PTPRD: variants seen among roughly 807,000 people sequenced by gnomAD.
The protein encoded by PTPRD is receptor-type tyrosine-protein phosphatase delta.
PTPRD carries 34 observed loss-of-function variants against 214.5 expected under a neutral mutation model. The observed-to-expected ratio is 0.16, with a 90% confidence interval of 0.12 to 0.21. The LOEUF (loss-of-function observed/expected upper bound fraction) is 0.21. Ranked by LOEUF, PTPRD falls within the 10% of genes least tolerant of loss-of-function variation. The pLI, the probability that PTPRD is intolerant of heterozygous loss-of-function variation, is 1.00. For synonymous variants in PTPRD, 1,128 were observed against 845.7 expected (o/e 1.33, Z -5.79); for missense variants, 2,545 against 2,398.7 (o/e 1.06, Z -1.27).
chr9:8,341,587 T>G, intron 40 of PTPRD, 106 bp downstream of exon 40: 1 of 1,301,212 alleles, frequency 7.7e-7, no homozygotes, highest in Non-Finnish European at 1.1e-6. Flanking sequence ...AAAGGTCAAA[T>G]GAATCTTGTA....
intron 2 of PTPRD, among the ~76,000 whole-genome samples, chr9:10,389,989 T>G (rs2098022824): frequency 6.6e-6 from 1 of 151,854 alleles, no homozygotes; most frequent in South Asian, 2.1e-4. Flanking sequence ...AATGCACAGC[T>G]GATAATTAAT....
At chr9:9,099,611 A>G (rs1591602609) in intron 10 of PTPRD, among the ~76,000 whole-genome samples, 1 of 152,296 alleles carries the variant, frequency 6.6e-6, no homozygotes, top group East Asian at 1.9e-4. Context: ...GGTAGCAGAT[A>G]TTTGCTTATA....
chr9:9,017,866 A>G (rs567645715), intron 11 of PTPRD, among the ~76,000 whole-genome samples: 1 of 152,082 alleles, frequency 6.6e-6, no homozygotes, highest in South Asian at 2.1e-4. Flanking sequence ...TACTTTTACC[A>G]CTTTTTTCTT....
intron 5 of PTPRD, among the ~76,000 whole-genome samples, chr9:9,876,531 A>C (rs1244048557): frequency 6.6e-6 from 1 of 152,238 alleles, no homozygotes; most frequent in Non-Finnish European, 1.5e-5. Context: ...ATGATGTGAA[A>C]ACACTTGTTA....
At chr9:9,448,607 G>T (rs547306736) in intron 8 of PTPRD, among the ~76,000 whole-genome samples, 1 of 152,148 alleles carries the variant, frequency 6.6e-6, no homozygotes, top group East Asian at 1.9e-4. Flanking sequence ...TTACAGCAGT[G>T]TGAAAACAGA....
chr9:10,331,471 G>C (rs1352250130), intron 3 of PTPRD, among the ~76,000 whole-genome samples: 2 of 151,836 alleles, frequency 1.3e-5, no homozygotes, highest in African/African-American at 4.8e-5. Flanking sequence ...TGAATTCCCT[G>C]ATTCACAGTT....
chr9:9,601,475 G>A (rs1414334498), intron 7 of PTPRD, among the ~76,000 whole-genome samples: 1 of 152,036 alleles, frequency 6.6e-6, no homozygotes, highest in Non-Finnish European at 1.5e-5. Context: ...CATGATTAGA[G>A]CCAGATCATA....
chr9:8,399,842 T>C (rs570819758), intron 36 of PTPRD, among the ~76,000 whole-genome samples: 2 of 152,280 alleles, frequency 1.3e-5, no homozygotes, highest in African/African-American at 4.8e-5. Flanking sequence ...GAGACTGACA[T>C]ATATTAGTAT....
chr9:8,362,522 G>C (rs2078763095), intron 39 of PTPRD, among the ~76,000 whole-genome samples: 2 of 152,218 alleles, frequency 1.3e-5, no homozygotes, highest in Admixed American at 1.3e-4. Flanking sequence ...TCCAGACTGA[G>C]AAAGCCTCTG....
chr9:10,040,232 AG>A (rs1435200354), intron 3 of PTPRD, among the ~76,000 whole-genome samples: 4 of 152,064 alleles, frequency 2.6e-5, no homozygotes, highest in African/African-American at 9.7e-5. Flanking sequence ...AGAACCCAAA[AG>A]TCTTCCCATT....
chr9:9,716,230 C>T (rs1379251322), intron 7 of PTPRD, among the ~76,000 whole-genome samples: 2 of 152,286 alleles, frequency 1.3e-5, no homozygotes, highest in South Asian at 2.1e-4. Context: ...ATATGTGCCA[C>T]ATTTTTTTAA....
At chr9:10,116,491 C>A (rs921258307) in intron 3 of PTPRD, among the ~76,000 whole-genome samples, 17 of 152,116 alleles carry the variant, frequency 1.1e-4, no homozygotes, top group African/African-American at 3.9e-4. Flanking sequence ...ATATTCATCA[C>A]TATTTCAAAA....
At chr9:10,222,121 T>G (rs546623740) in intron 3 of PTPRD, among the ~76,000 whole-genome samples, 19 of 152,208 alleles carry the variant, frequency 1.2e-4, no homozygotes, top group African/African-American at 4.6e-4. Flanking sequence ...TTTCTCTTAT[T>G]ACTGAAACTG....
intron 11 of PTPRD, among the ~76,000 whole-genome samples, chr9:8,872,149 TAGCC>T (rs2098312214): frequency 2.0e-5 from 3 of 152,200 alleles, no homozygotes. Context: ...TGTCTCAGCG[TAGCC>T]AAAATAATTT....
intron 11 of PTPRD, among the ~76,000 whole-genome samples, chr9:8,937,559 T>C (rs191874433): frequency 4.1e-4 from 62 of 152,308 alleles, no homozygotes; most frequent in Non-Finnish European, 2.2e-4. Flanking sequence ...TTAGCAATCT[T>C]AGTCCCTCAG....
At chr9:8,997,638 A>G (rs1212325737) in intron 11 of PTPRD, among the ~76,000 whole-genome samples, 2 of 152,096 alleles carry the variant, frequency 1.3e-5, no homozygotes, top group Non-Finnish European at 2.9e-5. Flanking sequence ...TTAATAACCT[A>G]TAATGGCCTC....
At chr9:9,635,193 G>A (rs1010401047) in intron 7 of PTPRD, among the ~76,000 whole-genome samples, 1 of 152,074 alleles carries the variant, frequency 6.6e-6, no homozygotes, top group African/African-American at 2.4e-5. Context: ...TAAGATATAA[G>A]ATCATCAACA....
intron 11 of PTPRD, among the ~76,000 whole-genome samples, chr9:8,875,059 T>G (rs1258714986): frequency 6.6e-6 from 1 of 152,126 alleles, no homozygotes; most frequent in Non-Finnish European, 1.5e-5. Context: ...CATGGATGCA[T>G]TAAAGAGAGT....
In PTPRD at chr9:9,271,636, G is replaced by C. The variant is rs562971708; in HGVS notation, c.-202-88273C>G. On this transcript the variant is annotated intron_variant, in intron 9 of 45. Transcript: ENST00000381196. ...AAAAAGCCTGTTGCTATGCAACTCAGAGAATTTCTATAAACAGTCTGCAAA... is the reference window on the plus strand; with the variant it reads ...AAAAAGCCTGTTGCTATGCAACTCACAGAATTTCTATAAACAGTCTGCAAA... Among the ~76,000 whole-genome samples the C allele has an allele frequency of 2.4e-3, 361 of 151,316 alleles. 1 individual carries two copies. Among genetic ancestry groups the C allele is most frequent in the Non-Finnish European group, 4.7e-3 (316 of 67,576 alleles).
Sources: allele counts gnomAD v4.1 joint callset (sites outside exome capture counted in the v4.1 genomes callset), GRCh38; gene constraint gnomAD v4.1.1; transcripts MANE v1.5; gene names NCBI Gene and HGNC (gene_info 2026-07-23, HGNC 2026-07-21).